The following CPEB3 variants were observed in gnomAD, a reference collection of about 807,000 sequenced individuals.
CPEB3 encodes the protein cytoplasmic polyadenylation element binding protein 3.
CPEB3 carries 20 observed loss-of-function variants against 67.2 expected under a neutral mutation model. That is an observed-to-expected ratio of 0.30 (90% CI 0.21 to 0.43). CPEB3 has a LOEUF of 0.43. Ranked by LOEUF, CPEB3 falls within the 20% of genes least tolerant of loss-of-function variation. The pLI is 1.00. For missense variants in CPEB3, 746 were observed against 968.6 expected, an observed-to-expected ratio of 0.77 and a Z score of 3.05; for synonymous variants, 376 against 393.1, an observed-to-expected ratio of 0.96 and a Z score of 0.51.
chr10:92,230,113 G>GTT (rs1851198271), intron 2 of CPEB3, among the ~76,000 whole-genome samples: 1 of 151,888 alleles, frequency 6.6e-6, no homozygotes, highest in South Asian at 2.1e-4. Flanking sequence ...CACATGTAAA[G>GTT]ATAAAGGACA....
intron 9 of CPEB3, among the ~76,000 whole-genome samples, chr10:92,078,691 G>A (rs1843026729): frequency 6.6e-6 from 1 of 152,122 alleles, no homozygotes; most frequent in African/African-American, 2.4e-5. Flanking sequence ...TGAGAAGTCT[G>A]ATGTTCCAAA....
At chr10:92,052,460 CAG>C in intron 9 of CPEB3, 21 bp from the exon 10 acceptor site, 2 of 1,591,448 alleles carry the variant, frequency 1.3e-6, no homozygotes, top group South Asian at 1.1e-5. Context: ...AGAGGAAAGA[CAG>C]AGAAAAATGA....
chr10:92,238,449 T>C (rs1590489297), intron 2 of CPEB3, among the ~76,000 whole-genome samples: 1 of 152,274 alleles, frequency 6.6e-6, no homozygotes, highest in East Asian at 1.9e-4. Context: ...CAGGACTCAT[T>C]TTTCATTAAA....
At chr10:92,099,220 C>T (rs1467264910) in intron 7 of CPEB3, among the ~76,000 whole-genome samples, 2 of 105,564 alleles carry the variant, frequency 1.9e-5, no homozygotes, top group East Asian at 2.4e-4. Flanking sequence ...TGGGTCTTTT[C>T]GTCTTTTTTT....
chr10:92,073,015 A>G (rs1219129887), intron 9 of CPEB3, among the ~76,000 whole-genome samples: 2 of 151,648 alleles, frequency 1.3e-5, no homozygotes, highest in African/African-American at 4.8e-5. Flanking sequence ...CTTAGAAGTA[A>G]AAACTAAGGC....
intron 4 of CPEB3, among the ~76,000 whole-genome samples, chr10:92,175,288 A>G (rs1848174043): frequency 1.3e-5 from 2 of 151,482 alleles, no homozygotes; most frequent in African/African-American, 4.9e-5. Context: ...TTATTTTGAC[A>G]GTCATTTATG....
At chr10:92,193,491 T>C (rs1382463477) in intron 2 of CPEB3, among the ~76,000 whole-genome samples, 1 of 151,864 alleles carries the variant, frequency 6.6e-6, no homozygotes, top group Non-Finnish European at 1.5e-5. Context: ...AAGGTCTTGC[T>C]TTGTTGCCGA....
intron 4 of CPEB3, among the ~76,000 whole-genome samples, chr10:92,152,967 C>G (rs1488385042): frequency 1.3e-5 from 2 of 152,158 alleles, no homozygotes; most frequent in Non-Finnish European, 2.9e-5. Flanking sequence ...TTCAGTCTTT[C>G]TTTTGGCCCC....
At chr10:92,248,632 T>C (rs1394604900) in intron 1 of CPEB3, among the ~76,000 whole-genome samples, 2 of 152,296 alleles carry the variant, frequency 1.3e-5, no homozygotes, top group Admixed American at 6.5e-5. Flanking sequence ...AGAAGAGCAA[T>C]TAATTTTCCC....
At chr10:92,160,879 A>T (rs1216197517) in intron 4 of CPEB3, among the ~76,000 whole-genome samples, 3 of 152,166 alleles carry the variant, frequency 2.0e-5, no homozygotes, top group Admixed American at 2.0e-4. Context: ...CAAAAGACCT[A>T]CCTGGGAGTT....
intron 4 of CPEB3, among the ~76,000 whole-genome samples, chr10:92,163,059 G>A (rs575906495): frequency 2.6e-5 from 4 of 152,260 alleles, no homozygotes; most frequent in Non-Finnish European, 4.4e-5. Flanking sequence ...CACTCTTGGT[G>A]TACATTCCAT....
intron 6 of CPEB3, among the ~76,000 whole-genome samples, chr10:92,134,949 CT>C (rs1406896781): frequency 1.3e-5 from 2 of 152,068 alleles, no homozygotes; most frequent in African/African-American, 4.8e-5. Flanking sequence ...GCTGGGAAAA[CT>C]GGCTAGCCAT....
At chr10:92,193,218 A>G (rs557679855) in intron 2 of CPEB3, among the ~76,000 whole-genome samples, 10 of 152,306 alleles carry the variant, frequency 6.6e-5, no homozygotes, top group African/African-American at 2.2e-4. Context: ...TCTCAAAAAA[A>G]AAAGAACAAT....
intron 2 of CPEB3, among the ~76,000 whole-genome samples, chr10:92,235,370 C>T (rs765852466): frequency 9.9e-5 from 15 of 151,584 alleles, no homozygotes; most frequent in South Asian, 2.1e-4. Flanking sequence ...CACTTGAACC[C>T]GGGAGGTGGA....
chr10:92,205,031 G>C (rs113746977), intron 2 of CPEB3, among the ~76,000 whole-genome samples: 9,963 of 151,736 alleles, frequency 0.066, 1,076 homozygotes, highest in African/African-American at 0.23. Flanking sequence ...GTAGAGATGG[G>C]GTTTCACCAT....
chr10:92,158,254 C>T (rs1194245928), intron 4 of CPEB3, among the ~76,000 whole-genome samples: 1 of 152,046 alleles, frequency 6.6e-6, no homozygotes, highest in Non-Finnish European at 1.5e-5. Context: ...GAAGTACAGG[C>T]TAAATCACAA....
At chr10:92,196,434 C>T (rs1189438600) in intron 2 of CPEB3, among the ~76,000 whole-genome samples, 1 of 152,170 alleles carries the variant, frequency 6.6e-6, no homozygotes, top group Admixed American at 6.5e-5. Flanking sequence ...TGGCATGTCA[C>T]TTTGAACATG....
At chr10:92,289,741 A>ATT (rs1842731789) in intron 1 of CPEB3, among the ~76,000 whole-genome samples, 1 of 121,512 alleles carries the variant, frequency 8.2e-6, no homozygotes, top group Non-Finnish European at 1.7e-5. Flanking sequence ...AAATATATAT[A>ATT]TATATATATA....
In CPEB3 at chr10:92,047,495, C is replaced by A. The variant is rs1297804669; in HGVS notation, c.*4717G>T. On this transcript the variant is annotated 3_prime_UTR_variant, in exon 10 of 10. Transcript: ENST00000265997. ...ATATAATAGATAAAATGAAAACTAGCAGTTATTTGCTAATTGCATAAATGC... is the reference window on the plus strand; with the variant it reads ...ATATAATAGATAAAATGAAAACTAGAAGTTATTTGCTAATTGCATAAATGC... The A allele has an allele frequency of 1.3e-5, 2 of 152,182 alleles. No homozygotes were observed. Among genetic ancestry groups the A allele is most frequent in the Non-Finnish European group, 2.9e-5 (2 of 68,032 alleles). 9.4% of individuals were successfully genotyped at this position (152,182 alleles called of 1,614,324 possible).
Sources: gnomAD v4.1 joint callset for allele counts (sites outside exome capture counted in the v4.1 genomes callset) on GRCh38, gnomAD v4.1.1 for gene constraint, MANE v1.5 for transcripts, NCBI Gene and HGNC (gene_info 2026-07-23, HGNC 2026-07-21) for gene names.